Variants in SOX13 observed in about 807,000 individuals in gnomAD.
SOX13 encodes the protein transcription factor SOX-13.
SOX13 carries 28 observed loss-of-function variants against 71.8 expected under a neutral mutation model. The observed-to-expected ratio is 0.39, with a 90% confidence interval of 0.29 to 0.53. The LOEUF is 0.53. Ranked by LOEUF, SOX13 falls within the 20% of genes least tolerant of loss-of-function variation. The probability of loss-of-function intolerance (pLI) is 0.70; values close to 1 mark genes in which losing one functional copy is unlikely to be tolerated. For synonymous variants in SOX13, 309 were observed against 317.8 expected (o/e 0.97, Z 0.29); for missense variants, 627 against 810.3 (o/e 0.77, Z 2.75).
At chr1:204,079,385 G>A (rs1156807553) in intron 1 of SOX13, among the ~76,000 whole-genome samples, 8 of 127,952 alleles carry the variant, frequency 6.3e-5, no homozygotes, top group Admixed American at 2.8e-4. Flanking sequence ...TTGCTCTGTC[G>A]CCCAGGCCTG....
chr1:204,117,979 T>C (rs1052240593), intron 7 of SOX13: 3 of 410,300 alleles, frequency 7.3e-6, no homozygotes, highest in Non-Finnish European at 1.3e-5. Context: ...ACATTTACTG[T>C]GTCAGAGTAT....
rs182015023 is a variant in SOX13, at chr1:204,081,191, G to A, written c.-2+7480G>A. Among the ~76,000 whole-genome samples, 453 of 152,230 alleles carry A rather than the reference G, an allele frequency of 3.0e-3. 1 individual carries two copies. Among genetic ancestry groups the A allele is most frequent in the African/African-American group, 0.01 (426 of 41,536 alleles). Reference sequence around the variant, plus strand: ...GCCTCCCGAAGTGCTGGGATTACAGGCATGAGCCACCACTCCCAGCCATGA... The same window carrying A: ...GCCTCCCGAAGTGCTGGGATTACAGACATGAGCCACCACTCCCAGCCATGA... On this transcript the variant is annotated intron_variant, in intron 1 of 13. Coordinates refer to ENST00000367204, the MANE Select transcript of SOX13 (RefSeq NM_005686.3). This position sits in a 1 kb window ranked among gnomAD's most constrained non-coding sequence, Gnocchi z 4.3.
At chr1:204,089,534 GAGGGGACCCCGGA>G (rs1179181069) in intron 1 of SOX13, among the ~76,000 whole-genome samples, 3 of 152,246 alleles carry the variant, frequency 2.0e-5, no homozygotes, top group Admixed American at 2.0e-4. Context: ...GCAGCTGTGT[GAGGGGACCCCGGA>G]AGAGGGGTAG....
chr1:204,106,817 A>G (rs1243608150), intron 1 of SOX13, among the ~76,000 whole-genome samples: 1 of 152,110 alleles, frequency 6.6e-6, no homozygotes, highest in African/African-American at 2.4e-5. Flanking sequence ...TCCAAAATAA[A>G]TTAAGCGTGT....
At position 204,122,328 on chromosome 1, in the gene SOX13, G is replaced by A; in HGVS notation, c.953G>A (p.Cys318Tyr). ...SSSPSLKMSS[C>Y]VPRPPSHGGP... is the part of the protein sequence containing the mutation. ...TCCCCAAGCCTGAAGATGAGCAGCT[G>A]TGTGCCCCGCCCCCCCAGCCATGGA... The change falls in exon 9 of 14, where the codon TGT becomes TAT. Residue 318 changes from cysteine to tyrosine, a missense_variant. Cys to Tyr is a radical substitution (Grantham distance 194). Transcript: ENST00000367204. 2 of 1,569,104 alleles carry A rather than the reference G, an allele frequency of 1.3e-6. No homozygotes were observed. The highest frequency in any genetic ancestry group is 1.4e-5 in the African/African-American group (1 of 73,734).
At chr1:204,082,132 T>C (rs1456703704) in intron 1 of SOX13, among the ~76,000 whole-genome samples, 1 of 149,046 alleles carries the variant, frequency 6.7e-6, no homozygotes, top group Non-Finnish European at 1.5e-5. Flanking sequence ...GTGAGTGTGA[T>C]GTGTGTGTGG....
intron 4 of SOX13, chr1:204,116,211 G>T (rs1446364387): frequency 2.2e-6 from 3 of 1,373,576 alleles, no homozygotes; most frequent in Non-Finnish European, 2.9e-6. Flanking sequence ...GAGCACTCGA[G>T]GACATTGAAG....
chr1:204,124,765 C>T lies in SOX13; in HGVS notation c.1500C>T (p.Thr500=). The T allele has an allele frequency of 6.2e-7, 1 of 1,607,220 alleles. No homozygotes were observed. Among genetic ancestry groups the T allele is most frequent in the Middle Eastern group, 1.7e-4 (1 of 6,054 alleles). Residue 500 remains threonine (T), a synonymous_variant, in exon 13 of 14, where the codon ACC becomes ACT. Transcript: ENST00000367204. ...DYKYKPRPKR[T]CIVEGKRLRV... ...AGTACAAGCCGCGGCCCAAGCGCAC[C>T]TGCATCGTGGAGGGCAAGCGGCTGC...
At chr1:204,122,742 AG>A (rs1423159339) in intron 9 of SOX13, 111 bp from the exon 10 acceptor site, 9 of 671,228 alleles carry the variant, frequency 1.3e-5, no homozygotes, top group Non-Finnish European at 2.1e-5. Context: ...ACACTAACTC[AG>A]GTGCCTCATG....
chr1:204,117,283 G>A (rs1254620376), intron 6 of SOX13, 93 bp downstream of exon 6: 2 of 1,112,808 alleles, frequency 1.8e-6, no homozygotes, highest in Non-Finnish European at 2.7e-6. Context: ...TGTGCACCAA[G>A]TTAAAGAGCC....
At chr1:204,117,007 C>CACCCCACTCCATGGCTT in intron 5 of SOX13, 115 bp from the exon 6 acceptor site, 1 of 1,039,838 alleles carries the variant, frequency 9.6e-7, no homozygotes, top group Non-Finnish European at 1.5e-6. Flanking sequence ...TCCCTACTGC[C>CACCCCACTCCATGGCTT]ACCCCACTCC....
intron 1 of SOX13, chr1:204,078,181 G>A (rs372830866): frequency 1.1e-4 from 17 of 152,426 alleles, no homozygotes; most frequent in African/African-American, 4.1e-4. Context: ...AGTGCTCCAT[G>A]AATGGTAAGG....
intron 1 of SOX13, among the ~76,000 whole-genome samples, chr1:204,108,034 G>A (rs1240814187): frequency 6.6e-6 from 1 of 152,188 alleles, no homozygotes; most frequent in Non-Finnish European, 1.5e-5. Context: ...CCTGGCTGGA[G>A]GGACCGTGGA....
intron 1 of SOX13, among the ~76,000 whole-genome samples, chr1:204,105,678 T>A (rs1656455844): frequency 1.3e-5 from 2 of 152,120 alleles, no homozygotes; most frequent in Admixed American, 1.3e-4. Flanking sequence ...AGTGCTGGGA[T>A]TACAGATATG....
chr1:204,124,972 T>A (rs1656891049), intron 13 of SOX13, 115 bp downstream of exon 13: 1 of 747,732 alleles, frequency 1.3e-6, no homozygotes, highest in Admixed American at 2.1e-5. Flanking sequence ...GGGTGCTGTG[T>A]GTATGCGTAC....
At chr1:204,100,055 T>C (rs1230598359) in intron 1 of SOX13, among the ~76,000 whole-genome samples, 1 of 152,166 alleles carries the variant, frequency 6.6e-6, no homozygotes, top group Non-Finnish European at 1.5e-5. Flanking sequence ...GGAGGATTGC[T>C]TGAGGCTGGG....
intron 1 of SOX13, among the ~76,000 whole-genome samples, chr1:204,104,538 T>C (rs1353747183): frequency 1.3e-5 from 2 of 152,228 alleles, no homozygotes; most frequent in Non-Finnish European, 1.5e-5. Flanking sequence ...AGCCTGAGGT[T>C]CTCAGCTCTC....
At chr1:204,124,260 G>A (rs2102267654) in intron 12 of SOX13, among the ~76,000 whole-genome samples, 1 of 152,336 alleles carries the variant, frequency 6.6e-6, no homozygotes, top group Non-Finnish European at 1.5e-5. Context: ...TCCAGTGTCA[G>A]CGCAGGACTC....
rs1656844573 is a variant in SOX13 at position 204,123,076 on chromosome 1, G to A, written c.1135-36G>A. The A allele has an allele frequency of 6.4e-7, 1 of 1,570,540 alleles. No individual in the cohort carries two copies. The highest frequency in any genetic ancestry group is 2.2e-5 in the East Asian group (1 of 44,592). On this transcript the variant is annotated intron_variant, in intron 10 of 13. Transcript: ENST00000367204. This position sits in a 1 kb window ranked among gnomAD's most constrained non-coding sequence, Gnocchi z 5.0. ...GCATGGGGAGGAGTGGGGTGATGCA[G>A]AGGAGGCTGATGTCAGGTTGCCCCT...
Sources: allele counts gnomAD v4.1 joint callset (sites outside exome capture counted in the v4.1 genomes callset), GRCh38; gene constraint gnomAD v4.1.1; non-coding constraint Gnocchi (gnomAD v3.1); transcripts MANE v1.5; gene names NCBI Gene and HGNC (gene_info 2026-07-23, HGNC 2026-07-21).